Variants in PACRGL observed in about 807,000 individuals in gnomAD.
PACRGL encodes PACRG-like protein.
PACRGL carries 38 observed loss-of-function variants against 34.5 expected under a neutral mutation model. The observed-to-expected ratio is 1.10, with a 90% CI of 0.85 to 1.44. The LOEUF is 1.44. PACRGL is among the 40% of genes most tolerant of loss of function. The pLI is 0.00. For synonymous variants in PACRGL, 128 were observed against 100.1 expected (o/e 1.28, Z -1.66); for missense variants, 305 against 281.4 (o/e 1.08, Z -0.60).
At chr4:20,745,273 T>A (rs1752175241) in intron 8 of PACRGL, among the ~76,000 whole-genome samples, 1 of 152,288 alleles carries the variant, frequency 6.6e-6, no homozygotes, top group East Asian at 1.9e-4. Context: ...GTATCCTGAT[T>A]CACATGGTGA....
At chr4:20,698,697 G>A (rs1447964179), upstream of PACRGL, among the ~76,000 whole-genome samples, 3 of 152,164 alleles carry the variant, frequency 2.0e-5, no homozygotes, top group African/African-American at 7.2e-5. Flanking sequence ...TTTTAACTGT[G>A]ATTAGGAGAA....
chr4:20,754,852 T>C (rs1754237355), downstream of PACRGL, among the ~76,000 whole-genome samples: 1 of 152,160 alleles, frequency 6.6e-6, no homozygotes, highest in African/African-American at 2.4e-5. Flanking sequence ...ATGTAATAAC[T>C]TGATTTGAAA....
At chr4:20,767,018 C>T in the PACRGL span, 2 of 152,112 alleles carry the variant, frequency 1.3e-5, no homozygotes, top group Non-Finnish European at 2.9e-5. Context: ...TTATCCTAGC[C>T]CTCTACCTTA....
In PACRGL at chr4:20,730,981, A is replaced by C. The variant is rs1389417824; in HGVS notation, c.*3640A>C. Among the ~76,000 whole-genome samples, 2 of 152,236 alleles carry C rather than the reference A, an allele frequency of 1.3e-5. No homozygotes were observed. Among genetic ancestry groups the C allele is most frequent in the African/African-American group, 4.8e-5 (2 of 41,476 alleles). The stretch of plus-strand genomic sequence containing the variant: ...GCATGGAAATCCAAGTTGAGAGACA[A>C]GCAGACATCCAGAAAAGTAAGAACA... On this transcript the variant is annotated 3_prime_UTR_variant, in exon 9 of 9. Transcript: ENST00000503585.
Position 20,731,884 on chromosome 4 carries a change from A to G in PACRGL, c.*4543A>G, listed in dbSNP as rs773214137. 7.5e-6 allele frequency: 11 copies of G among 1,470,286 alleles called. No homozygotes were observed. Among genetic ancestry groups the G allele is most frequent in the Non-Finnish European group, 8.1e-6 (9 of 1,110,016 alleles). 91.1% of individuals were successfully genotyped at this position (1,470,286 alleles called of 1,614,324 possible). A position where few individuals can be genotyped will look rare whatever the true frequency, so the allele number is the denominator to read the frequency against. ...GTGGTAGGCTTATGCTGCATGTTGT[A>G]GAAGTGGTAAACTTAGGCATATGAT... On this transcript the variant is annotated 3_prime_UTR_variant, in exon 9 of 9. Transcript: ENST00000503585.
the PACRGL span, chr4:20,758,725 TA>T: frequency 1.1e-6 from 1 of 923,304 alleles, no homozygotes; most frequent in Non-Finnish European, 1.7e-6. Flanking sequence ...ACATAACGAT[TA>T]AAAATGTAGC....
chr4:20,712,085 C>A (rs1327506631), intron 5 of PACRGL, among the ~76,000 whole-genome samples: 1 of 151,894 alleles, frequency 6.6e-6, no homozygotes, highest in East Asian at 1.9e-4. Flanking sequence ...ATAACAAAAT[C>A]TTTTTATTAT....
intron 7 of PACRGL, among the ~76,000 whole-genome samples, chr4:20,718,638 T>C (rs556164805): frequency 7.2e-5 from 11 of 152,254 alleles, no homozygotes; most frequent in Admixed American, 2.0e-4. Flanking sequence ...ATTTATTAAT[T>C]TGCATATGTT....
chr4:20,713,429 C>G lies in PACRGL; in HGVS notation c.502-3C>G, dbSNP rs1382607009. 2.5e-6 allele frequency: 4 copies of G among 1,611,828 alleles called. No individual in the cohort carries two copies. Among genetic ancestry groups the G allele is most frequent in the Non-Finnish European group, 3.4e-6 (4 of 1,178,296 alleles). The stretch of plus-strand genomic sequence containing the variant: ...TACATCCCCCAACTAACCAACCTTA[C>G]AGGTCCATTCGGATGATGAAGTGTT... On this transcript the variant is annotated splice_region_variant and splice_polypyrimidine_tract_variant and intron_variant, in intron 6 of 8. Transcript: ENST00000503585.
At chr4:20,698,821 T>G (rs1731386093), upstream of PACRGL, among the ~76,000 whole-genome samples, 1 of 152,232 alleles carries the variant, frequency 6.6e-6, no homozygotes, top group Admixed American at 6.5e-5. Flanking sequence ...CACGTTAGTC[T>G]TAATTTGCTT....
the PACRGL span, among the ~76,000 whole-genome samples, chr4:20,759,456 C>T: frequency 2.0e-5 from 3 of 152,082 alleles, no homozygotes; most frequent in South Asian, 2.1e-4. Flanking sequence ...TTTGAACTTC[C>T]GGAAAGGAGA....
rs200202411 is a variant in PACRGL, at chr4:20,730,151, C to T, written c.*2810C>T. 2.2e-5 allele frequency: 35 copies of T among 1,590,794 alleles called. No homozygotes were observed. Among genetic ancestry groups the T allele is most frequent in the African/African-American group, 5.4e-5 (4 of 73,988 alleles). On this transcript the variant is annotated 3_prime_UTR_variant, in exon 9 of 9. Coordinates refer to ENST00000503585, the MANE Select transcript of PACRGL (RefSeq NM_001258345.3). ...CATCCTGTAAGGGAGAAACACAGAG[C>T]GATTAAATTCAGCATATCTGCAAGG...
chr4:20,731,225 G>A lies in PACRGL; in HGVS notation c.*3884G>A, dbSNP rs187642505. 15 of 194,832 alleles carry A rather than the reference G, an allele frequency of 7.7e-5. No homozygotes were observed. Among genetic ancestry groups the A allele is most frequent in the South Asian group, 3.5e-4 (2 of 5,716 alleles). The allele number at this position is 194,832 out of a possible 1,614,324, so 12.1% of individuals were successfully genotyped here. ...GCTGAGACTTCAGCCACGTGCCACC[G>A]TGCCCAGCTAACTTAATTTTTTTTT... On this transcript the variant is annotated 3_prime_UTR_variant, in exon 9 of 9. Transcript: ENST00000503585.
At chr4:20,698,299 A>G (rs1026919069), upstream of PACRGL, among the ~76,000 whole-genome samples, 3 of 152,204 alleles carry the variant, frequency 2.0e-5, no homozygotes, top group East Asian at 5.8e-4. Flanking sequence ...CAAATAGGTC[A>G]CCTTTTTTCC....
At chr4:20,749,853 T>C (rs1282874545) in intron 8 of PACRGL, 1 of 596,720 alleles carries the variant, frequency 1.7e-6, no homozygotes, top group Non-Finnish European at 2.9e-6. Context: ...TAGTTTGTGC[T>C]TTCTTCACAA....
At position 20,730,214 on chromosome 4, in the gene PACRGL, C is replaced by CCAT; in HGVS notation, c.*2876_*2878dup. The CCAT allele has an allele frequency of 2.1e-6, 3 of 1,452,678 alleles. No individual in the cohort carries two copies. The highest frequency in any genetic ancestry group is 2.8e-6 in the Non-Finnish European group (3 of 1,088,344). The allele number at this position is 1,452,678 out of a possible 1,614,324, so 90.0% of individuals were successfully genotyped here. ...TTTTGCCCCTGAGTATTGCCTCCTC[C>CCAT]CATCAACCACCTCAACCACCTATGC... On this transcript the variant is annotated 3_prime_UTR_variant, in exon 9 of 9. Transcript: ENST00000503585.
chr4:20,697,079 C>T (rs552060523), upstream of PACRGL, among the ~76,000 whole-genome samples: 7 of 152,284 alleles, frequency 4.6e-5, no homozygotes, highest in South Asian at 2.1e-4. Flanking sequence ...CTTATATGCT[C>T]ACTCATGTTG....
chr4:20,705,788 C>T (rs1734224991), intron 3 of PACRGL, among the ~76,000 whole-genome samples: 2 of 150,874 alleles, frequency 1.3e-5, no homozygotes, highest in Non-Finnish European at 2.9e-5. Context: ...TAATTTGACC[C>T]GAGAAAAGCA....
intron 8 of PACRGL, among the ~76,000 whole-genome samples, chr4:20,743,010 A>ATGTGAAGGACCCTTATAAGAG (rs1751525162): frequency 6.7e-6 from 1 of 148,860 alleles, no homozygotes; most frequent in African/African-American, 2.5e-5. Flanking sequence ...CTTATATGGG[A>ATGTGAAGGACCCTTATAAGAG]TGTGAAGGAC....
Sources: allele counts gnomAD v4.1 joint callset (sites outside exome capture counted in the v4.1 genomes callset), GRCh38; gene constraint gnomAD v4.1.1; transcripts MANE v1.5; gene names NCBI Gene and HGNC (gene_info 2026-07-23, HGNC 2026-07-21).